Variants in KREMEN2 observed in about 807,000 individuals in gnomAD.
The protein encoded by KREMEN2 is kremen protein 2.
In KREMEN2, 43 loss-of-function variants were observed where a neutral mutation model predicts 49.8. That is an observed-to-expected ratio of 0.86 (90% CI 0.68 to 1.11). KREMEN2 has a LOEUF of 1.11. Among genes scored for constraint, KREMEN2 ranks in the 50% most tolerant of loss-of-function variants. The pLI, the probability that KREMEN2 is intolerant of heterozygous loss-of-function variation, is 0.00. For missense variants in KREMEN2, 686 were observed against 665.7 expected (o/e 1.03, Z -0.34); for synonymous variants, 355 against 304.9 (o/e 1.16, Z -1.71).
chr16:2,964,395 C>T lies in KREMEN2; in HGVS notation c.-126C>T, dbSNP rs2071776197. On this transcript the variant is annotated 5_prime_UTR_variant, in exon 1 of 9. Transcript: ENST00000303746. ...CCCACCCCAGACGGAAAGCGCGGCT[C>T]AGAGTCGGACGAGGGGAGACTGTCA... 3.0e-6 allele frequency: 2 copies of T among 660,952 alleles called. No individual in the cohort carries two copies. Among genetic ancestry groups the T allele is most frequent in the African/African-American group, 1.9e-5 (1 of 52,518 alleles). The allele number at this position is 660,952 out of a possible 1,614,324, so 40.9% of individuals were successfully genotyped here. A position where few individuals can be genotyped will look rare whatever the true frequency, so the allele number is the denominator to read the frequency against.
intron 8 of KREMEN2, 46 bp downstream of exon 8, chr16:2,967,650 A>G: frequency 6.5e-7 from 1 of 1,536,404 alleles, no homozygotes; most frequent in Non-Finnish European, 8.7e-7. Context: ...GGTGGTGGGG[A>G]GCTGGAGCCC....
Position 2,966,648 on chromosome 16 carries a change from G to A in KREMEN2, c.493G>A (p.Gly165Ser), listed in dbSNP as rs2071825772. 6.2e-7 allele frequency: 1 copy of A among 1,609,564 alleles called. No individual in the cohort carries two copies. The highest frequency in any genetic ancestry group is 1.1e-5 in the South Asian group (1 of 91,046). ...FCRMKGYQLA[G>S]VEAGYACFCG... ...ACCCAGTCTGTGCTCCCAGCTGGCG[G>A]GCGTGGAGGCCGGTTACGCCTGCTT... Residue 165 changes from glycine to serine, a missense_variant, in exon 5 of 9, where the codon GGC (glycine) becomes AGC (serine). Coordinates refer to ENST00000303746, the MANE Select transcript of KREMEN2 (RefSeq NM_172229.3). The surrounding 1 kb of genome is among the most constrained non-coding windows in gnomAD (Gnocchi z 8.4).
chr16:2,967,461 G>A lies in KREMEN2; in HGVS notation c.1099+16G>A, dbSNP rs2071852600. On this transcript the variant is annotated intron_variant, in intron 7 of 8. Transcript: ENST00000303746. ...GCGATTGGGGGTGAGGCGGGCGCGC[G>A]GGACGGGAGTGAGTCAGGGAGCCGC... The A allele has an allele frequency of 7.0e-7, 1 of 1,421,152 alleles. No individual in the cohort carries two copies. The highest frequency in any genetic ancestry group is 9.1e-7 in the Non-Finnish European group (1 of 1,098,128). The allele number at this position is 1,421,152 out of a possible 1,614,324, so 88.0% of individuals were successfully genotyped here. A position where few individuals can be genotyped will look rare whatever the true frequency, so the allele number is the denominator to read the frequency against.
At position 2,966,255 on chromosome 16, in the gene KREMEN2, G is replaced by A. The variant is rs371624934; in HGVS notation, c.361+24G>A. The A allele has an allele frequency of 7.4e-6, 12 of 1,613,258 alleles. No individual in the cohort carries two copies. The highest frequency in any genetic ancestry group is 1.0e-5 in the Non-Finnish European group (12 of 1,179,980). ...CAGTGAGTAGCGCGGCTGGACAGAG[G>A]TGGGAACGCTGCTGCATCTGGGAGG... On this transcript the variant is annotated intron_variant, in intron 3 of 8. Transcript: ENST00000303746. The surrounding 1 kb of genome is among the most constrained non-coding windows in gnomAD (Gnocchi z 8.4).
Position 2,966,086 on chromosome 16 carries a change from G to A in KREMEN2, c.270-54G>A. ...GAGCATAGGCTGCGGGGCCGGGCCT[G>A]GGTTTGCTATTCTTGGGGTGGTGGG... On this transcript the variant is annotated intron_variant, in intron 2 of 8. Coordinates refer to ENST00000303746, the MANE Select transcript of KREMEN2 (RefSeq NM_172229.3). The surrounding 1 kb of genome is among the most constrained non-coding windows in gnomAD (Gnocchi z 8.4). 1 of 1,522,950 alleles carries A rather than the reference G, an allele frequency of 6.6e-7. No homozygotes were observed. The highest frequency in any genetic ancestry group is 2.3e-5 in the East Asian group (1 of 44,404). 94.3% of individuals were successfully genotyped at this position (1,522,950 alleles called of 1,614,324 possible). A position where few individuals can be genotyped will look rare whatever the true frequency, so the allele number is the denominator to read the frequency against.
Position 2,968,211 on chromosome 16 carries a change from A to G in KREMEN2, c.*191A>G. 1.1e-6 allele frequency: 1 copy of G among 891,658 alleles called. No homozygotes were observed. The highest frequency in any genetic ancestry group is 1.7e-6 in the Non-Finnish European group (1 of 576,156). 55.2% of individuals were successfully genotyped at this position (891,658 alleles called of 1,614,324 possible). A position where few individuals can be genotyped will look rare whatever the true frequency, so the allele number is the denominator to read the frequency against. The stretch of plus-strand genomic sequence containing the variant: ...ACTTGGCCTGACCGTGGGGGTCCAG[A>G]TGGTCCAGGCCCTCTCCATGGACCT... On this transcript the variant is annotated 3_prime_UTR_variant, in exon 9 of 9. Coordinates refer to ENST00000303746, the MANE Select transcript of KREMEN2 (RefSeq NM_172229.3).
At position 2,964,287 on chromosome 16, in the gene KREMEN2, G is replaced by C. The variant is rs1028931753; in HGVS notation, c.-234G>C. ...AACGCCCCCGGCCAGATTCCCCCCG[G>C]AGAGACCCGGGTAGGGACAGGGACA... On this transcript the variant is annotated 5_prime_UTR_variant, in exon 1 of 9. Transcript: ENST00000303746. 1.2e-5 allele frequency: 5 copies of C among 400,268 alleles called. No individual in the cohort carries two copies. Among genetic ancestry groups the C allele is most frequent in the African/African-American group, 8.3e-5 (4 of 48,176 alleles). 24.8% of individuals were successfully genotyped at this position (400,268 alleles called of 1,614,324 possible).
At position 2,964,298 on chromosome 16, in the gene KREMEN2, G is replaced by T; in HGVS notation, c.-223G>T. On this transcript the variant is annotated 5_prime_UTR_variant, in exon 1 of 9. Transcript: ENST00000303746. Reference sequence around the variant, plus strand: ...CCAGATTCCCCCCGGAGAGACCCGGGTAGGGACAGGGACAGAGAGACGCCT... The same window carrying T: ...CCAGATTCCCCCCGGAGAGACCCGGTTAGGGACAGGGACAGAGAGACGCCT... 4.8e-6 allele frequency: 2 copies of T among 414,130 alleles called. No individual in the cohort carries two copies. The highest frequency in any genetic ancestry group is 8.6e-6 in the Non-Finnish European group (2 of 233,476). The allele number at this position is 414,130 out of a possible 1,614,324, so 25.7% of individuals were successfully genotyped here. A position where few individuals can be genotyped will look rare whatever the true frequency, so the allele number is the denominator to read the frequency against.
At position 2,964,913 on chromosome 16, in the gene KREMEN2, G is replaced by A. The variant is rs752854615; in HGVS notation, c.149G>A (p.Arg50His). ...GCTGACTACCGCGGCCACCAGAACC[G>A]CACTGGCCCGCGCGGGGCGGGCCGC... The part of the protein sequence containing the change: ...NGADYRGHQN[R>H]TGPRGAGRPC... Residue 50 changes from arginine (R) to histidine (H), a missense_variant, in exon 2 of 9, where the codon CGC becomes CAC. Coordinates refer to ENST00000303746, the MANE Select transcript of KREMEN2 (RefSeq NM_172229.3). 4 of 1,607,498 alleles carry A rather than the reference G, an allele frequency of 2.5e-6. No individual in the cohort carries two copies. Among genetic ancestry groups the A allele is most frequent in the Admixed American group, 1.7e-5 (1 of 59,498 alleles).
rs1394004730 is a variant in KREMEN2 at position 2,964,285 on chromosome 16, C to G, written c.-236C>G. On this transcript the variant is annotated 5_prime_UTR_variant, in exon 1 of 9. Coordinates refer to ENST00000303746, the MANE Select transcript of KREMEN2 (RefSeq NM_172229.3). ...AGAACGCCCCCGGCCAGATTCCCCC[C>G]GGAGAGACCCGGGTAGGGACAGGGA... is the stretch of plus-strand genomic sequence containing the variant. 4 of 397,770 alleles carry G rather than the reference C, an allele frequency of 1.0e-5. No homozygotes were observed. The highest frequency in any genetic ancestry group is 4.4e-5 in the Admixed American group (1 of 22,706). 24.6% of individuals were successfully genotyped at this position (397,770 alleles called of 1,614,324 possible).
At position 2,967,417 on chromosome 16, in the gene KREMEN2, G is replaced by A; in HGVS notation, c.1071G>A (p.Arg357=). The A allele has an allele frequency of 2.1e-6, 3 of 1,402,184 alleles. No homozygotes were observed. Among genetic ancestry groups the A allele is most frequent in the Non-Finnish European group, 9.2e-7 (1 of 1,089,812 alleles). The allele number at this position is 1,402,184 out of a possible 1,614,324, so 86.9% of individuals were successfully genotyped here. A position where few individuals can be genotyped will look rare whatever the true frequency, so the allele number is the denominator to read the frequency against. The change falls in exon 7 of 9, where the codon AGG becomes AGA. Residue 357 remains arginine, a synonymous_variant. Transcript: ENST00000303746. ...GGGCCAACGTGAGCTGCAGCCCCAGGCCTGGGGCTCCGCCGGCCGCGATTG... is the reference window on the plus strand; with the variant it reads ...GGGCCAACGTGAGCTGCAGCCCCAGACCTGGGGCTCCGCCGGCCGCGATTG... ...LDGANVSCSP[R]PGAPPAAIGA...
At position 2,967,262 on chromosome 16, in the gene KREMEN2, GCCCTGCCCGCTGTTCCCAC is replaced by G; in HGVS notation, c.973+24_974-36del. On this transcript the variant is annotated intron_variant, in intron 6 of 8. Transcript: ENST00000303746. Reference sequence around the variant, plus strand: ...ACCGCGGTGAGCCTCAGCTCGGCGCGCCCTGCCCGCTGTTCCCACCCCGCTCTCCCCACCCCGCCTCACG... The same window carrying G: ...ACCGCGGTGAGCCTCAGCTCGGCGCGCCCGCTCTCCCCACCCCGCCTCACG... 7.4e-7 allele frequency: 1 copy of G among 1,353,428 alleles called. No individual in the cohort carries two copies. The highest frequency in any genetic ancestry group is 9.4e-7 in the Non-Finnish European group (1 of 1,061,400). The allele number at this position is 1,353,428 out of a possible 1,614,324, so 83.8% of individuals were successfully genotyped here.
Position 2,964,556 on chromosome 16 carries a change from C to G in KREMEN2, c.36C>G (p.Leu12=), listed in dbSNP as rs987259926. The change falls in exon 1 of 9, where the codon CTC becomes CTG. Residue 12 remains leucine, a synonymous_variant. Coordinates refer to ENST00000303746, the MANE Select transcript of KREMEN2 (RefSeq NM_172229.3). ...GTQALQGFLF[L]LFLPLLQPRG... ...AAGCCCTGCAGGGCTTCCTCTTTCTCCTCTTCCTCCCGCTGCTGCAGCCGC... is the reference window on the plus strand; with the variant it reads ...AAGCCCTGCAGGGCTTCCTCTTTCTGCTCTTCCTCCCGCTGCTGCAGCCGC... The G allele has an allele frequency of 6.2e-7, 1 of 1,607,946 alleles. No individual in the cohort carries two copies. The highest frequency in any genetic ancestry group is 8.5e-7 in the Non-Finnish European group (1 of 1,177,464).
At chr16:2,967,281 C>T (rs757591973) in intron 6 of KREMEN2, 39 bp downstream of exon 6, 18 of 1,364,138 alleles carry the variant, frequency 1.3e-5, no homozygotes, top group Non-Finnish European at 1.7e-5. Context: ...GCTGTTCCCA[C>T]CCCGCTCTCC....
chr16:2,966,969 G>T lies in KREMEN2; in HGVS notation c.700G>T (p.Asp234Tyr). Residue 234 changes from aspartate to tyrosine, a missense_variant, in exon 6 of 9, where the codon GAC becomes TAC. Transcript: ENST00000303746. This position sits in a 1 kb window ranked among gnomAD's most constrained non-coding sequence, Gnocchi z 8.4. ...GCCTCAGGGCGTCATCTACTCCCCG[G>T]ACTTCCCGGACGAGTACGGGCCGGA... ...TAPQGVIYSP[D>Y]FPDEYGPDRN... The T allele has an allele frequency of 6.4e-7, 1 of 1,556,104 alleles. No homozygotes were observed. Among genetic ancestry groups the T allele is most frequent in the South Asian group, 1.2e-5 (1 of 84,928 alleles).
intron 8 of KREMEN2, 87 bp downstream of exon 8, chr16:2,967,691 T>C: frequency 6.5e-7 from 1 of 1,547,298 alleles, no homozygotes; most frequent in Non-Finnish European, 8.7e-7. Context: ...AAGGAACTCC[T>C]GGGTTCTTAA....
In KREMEN2 at chr16:2,966,257, G is replaced by A. The variant is rs763207336; in HGVS notation, c.361+26G>A. 2 of 1,613,234 alleles carry A rather than the reference G, an allele frequency of 1.2e-6. No homozygotes were observed. The highest frequency in any genetic ancestry group is 1.7e-6 in the Non-Finnish European group (2 of 1,179,952). ...GTGAGTAGCGCGGCTGGACAGAGGT[G>A]GGAACGCTGCTGCATCTGGGAGGAG... On this transcript the variant is annotated intron_variant, in intron 3 of 8. Transcript: ENST00000303746. This position sits in a 1 kb window ranked among gnomAD's most constrained non-coding sequence, Gnocchi z 8.4.
Position 2,967,354 on chromosome 16 carries a change from C to G in KREMEN2, c.1008C>G (p.Pro336=). The G allele has an allele frequency of 1.4e-6, 2 of 1,410,218 alleles. No individual in the cohort carries two copies. Among genetic ancestry groups the G allele is most frequent in the South Asian group, 1.5e-5 (1 of 64,966 alleles). The allele number at this position is 1,410,218 out of a possible 1,614,324, so 87.4% of individuals were successfully genotyped here. A position where few individuals can be genotyped will look rare whatever the true frequency, so the allele number is the denominator to read the frequency against. Reference sequence around the variant, plus strand: ...ACGCCGCTGAGGACCCAGAGGCCCCCGAGGGCTCGGCCCAGACCCCCGCGG... The same window carrying G: ...ACGCCGCTGAGGACCCAGAGGCCCCGGAGGGCTCGGCCCAGACCCCCGCGG... ...LQDAAEDPEA[P]EGSAQTPAAP... is the part of the protein sequence containing the mutation. Residue 336 remains proline (P), a synonymous_variant, in exon 7 of 9, where the codon CCC becomes CCG. Coordinates refer to ENST00000303746, the MANE Select transcript of KREMEN2 (RefSeq NM_172229.3).
rs1019923036 is a variant in KREMEN2 at position 2,964,457 on chromosome 16, A to G, written c.-64A>G. 2 of 1,259,526 alleles carry G rather than the reference A, an allele frequency of 1.6e-6. No individual in the cohort carries two copies. Among genetic ancestry groups the G allele is most frequent in the Non-Finnish European group, 2.2e-6 (2 of 911,046 alleles). The allele number at this position is 1,259,526 out of a possible 1,614,324, so 78.0% of individuals were successfully genotyped here. On this transcript the variant is annotated 5_prime_UTR_variant, in exon 1 of 9. Transcript: ENST00000303746. ...CCCCTAGGTCTCCTGGGAGACCCCG[A>G]AGCGACCCCGGGGGCAGCCCGGGCC...
Sources: gnomAD v4.1 joint callset for allele counts on GRCh38, gnomAD v4.1.1 for gene constraint, Gnocchi (gnomAD v3.1) non-coding constraint, MANE v1.5 for transcripts, NCBI Gene and HGNC (gene_info 2026-07-23, HGNC 2026-07-21) for gene names.